The following HIPK1 variants were observed in gnomAD, a reference collection of about 807,000 sequenced individuals.
HIPK1 encodes homeodomain-interacting protein kinase 1.
In HIPK1, 28 loss-of-function variants were observed where a neutral mutation model predicts 117.1. The ratio of observed to expected loss-of-function variants is 0.24; its 90% CI spans 0.18 to 0.33. The LOEUF (loss-of-function observed/expected upper bound fraction) is 0.33, where lower values mean the gene tolerates loss of function less well. Among genes scored for constraint, HIPK1 ranks in the 10% least tolerant of loss-of-function variants. The probability of loss-of-function intolerance (pLI) is 1.00; values close to 1 mark genes in which losing one functional copy is unlikely to be tolerated. For synonymous variants in HIPK1, 605 were observed against 562.5 expected (o/e 1.08, Z -1.07); for missense variants, 1,122 against 1,475.1 (o/e 0.76, Z 3.92).
In HIPK1 at chr1:113,963,428, A is replaced by G; in HGVS notation, c.2145A>G (p.Gln715=). Residue 715 remains glutamine, a synonymous_variant, in exon 10 of 16, where the codon CAA becomes CAG. Transcript: ENST00000426820. ...TAATGGTAGCAACTCTCCACCCTCA[A>G]GTAGCCACCATCACACCGCAGTATG... ...TPLMVATLHP[Q]VATITPQYAV... is the part of the protein sequence containing the mutation. The G allele has an allele frequency of 6.2e-7, 1 of 1,614,212 alleles. No homozygotes were observed. Among genetic ancestry groups the G allele is most frequent in the Non-Finnish European group, 8.5e-7 (1 of 1,180,022 alleles).
At chr1:113,958,016 G>A (rs370152488) in intron 7 of HIPK1, 50 bp from the exon 8 acceptor site, 6 of 1,271,340 alleles carry the variant, frequency 4.7e-6, no homozygotes, top group East Asian at 4.6e-5. Context: ...TAAAATTATT[G>A]TGTGTCTCTA....
At chr1:113,930,075 C>G (rs1433062536) in intron 1 of HIPK1, 1 of 952,388 alleles carries the variant, frequency 1.0e-6, no homozygotes, top group East Asian at 1.2e-4. Context: ...GGGCCCCTGC[C>G]TGGGACCGGG....
chr1:113,973,808 G>T lies in HIPK1; in HGVS notation c.*296G>T. The T allele has an allele frequency of 3.9e-6, 1 of 254,280 alleles. No homozygotes were observed. 15.8% of individuals were successfully genotyped at this position (254,280 alleles called of 1,614,324 possible). On this transcript the variant is annotated 3_prime_UTR_variant, in exon 16 of 16. Coordinates refer to ENST00000426820, the MANE Select transcript of HIPK1 (RefSeq NM_198268.3). ...TCTTCTGCAGTTACCAAGGAAGAGAGATTGTTCTGAAGTTACCCTCTGAAA... is the reference window on the plus strand; with the variant it reads ...TCTTCTGCAGTTACCAAGGAAGAGATATTGTTCTGAAGTTACCCTCTGAAA...
chr1:113,958,263 A>G lies in HIPK1; in HGVS notation c.1953A>G (p.Thr651=), dbSNP rs892709834. 6.2e-7 allele frequency: 1 copy of G among 1,614,054 alleles called. No individual in the cohort carries two copies. Among genetic ancestry groups the G allele is most frequent in the Non-Finnish European group, 8.5e-7 (1 of 1,179,938 alleles). The stretch of plus-strand genomic sequence containing the variant: ...CTCAGACAGATCCATTCCAACAGAC[A>G]TTTATAGTATGTCCACCTGCGTTTC... ...ICTQTDPFQQ[T]FIVCPPAFQT... is the part of the protein sequence containing the mutation. Residue 651 remains threonine (T), a synonymous_variant, in exon 8 of 16, where the codon ACA becomes ACG. Coordinates refer to ENST00000426820, the MANE Select transcript of HIPK1 (RefSeq NM_198268.3).
chr1:113,933,738 G>A (rs1379921564), intron 1 of HIPK1, among the ~76,000 whole-genome samples: 2 of 152,104 alleles, frequency 1.3e-5, no homozygotes, highest in Non-Finnish European at 2.9e-5. Context: ...GTGGTGGCAT[G>A]TACTGGTAGT....
At chr1:113,929,688 CGAGGCGGGAGCGCGCGGGGCT>C (rs1669707023) in intron 1 of HIPK1, 156 bp downstream of exon 1, 7 of 860,420 alleles carry the variant, frequency 8.1e-6, no homozygotes, top group Non-Finnish European at 1.0e-5. Flanking sequence ...AGCAGGAGGC[CGAGGCGGGAGCGCGCGGGGCT>C]GAGGCGGCGG....
chr1:113,948,811 C>T (rs1380018567), intron 2 of HIPK1, among the ~76,000 whole-genome samples: 4 of 151,696 alleles, frequency 2.6e-5, no homozygotes, highest in South Asian at 4.2e-4. Flanking sequence ...ACTTTAAGCT[C>T]GAGACAGTTA....
chr1:113,940,414 C>G lies in HIPK1; in HGVS notation c.31C>G (p.Pro11Ala), dbSNP rs374754285. ...ATCACAGCTGCAAGTGTTTTCGCCC[C>G]CATCAGTGTCGTCGAGTGCCTTCTG... MASQLQVFSP[P>A]SVSSSAFCSA... Residue 11 changes from proline (P) to alanine (A), a missense_variant, in exon 2 of 16, where the codon CCA becomes GCA. Pro to Ala is a conservative substitution (Grantham distance 27, BLOSUM62 -1). Coordinates refer to ENST00000426820, the MANE Select transcript of HIPK1 (RefSeq NM_198268.3). 3.0e-5 allele frequency: 48 copies of G among 1,610,208 alleles called. No individual in the cohort carries two copies. The highest frequency in any genetic ancestry group is 2.5e-4 in the African/African-American group (19 of 74,708).
At chr1:113,960,559 CCTA>C (rs922274889) in intron 8 of HIPK1, among the ~76,000 whole-genome samples, 1 of 152,186 alleles carries the variant, frequency 6.6e-6, no homozygotes. Flanking sequence ...AACATTTCCT[CCTA>C]AATTTTACCA....
At chr1:113,929,585 C>G (rs1669691328) in intron 1 of HIPK1, 53 bp downstream of exon 1, 3 of 1,243,012 alleles carry the variant, frequency 2.4e-6, no homozygotes, top group Non-Finnish European at 3.2e-6. Context: ...CGGGGCCGGC[C>G]GGGTTGAGGG....
chr1:113,942,948 A>G (rs1670748650), intron 2 of HIPK1, among the ~76,000 whole-genome samples: 1 of 152,228 alleles, frequency 6.6e-6, no homozygotes, highest in African/African-American at 2.4e-5. Flanking sequence ...TACATGCCAG[A>G]TGCCTGTAAT....
chr1:113,959,478 T>A (rs1189103246), intron 8 of HIPK1, among the ~76,000 whole-genome samples: 1 of 152,224 alleles, frequency 6.6e-6, no homozygotes, highest in Non-Finnish European at 1.5e-5. Context: ...TGTCGTATGT[T>A]GAGTGATTCT....
intron 1 of HIPK1, among the ~76,000 whole-genome samples, chr1:113,931,395 G>A (rs1669888611): frequency 6.6e-6 from 1 of 152,036 alleles, no homozygotes; most frequent in Non-Finnish European, 1.5e-5. Context: ...TACTGTTCCT[G>A]GCTTGAAAGA....
chr1:113,977,775 A>G lies in HIPK1; in HGVS notation c.*4263A>G, dbSNP rs1036474128. The G allele has an allele frequency of 6.5e-6, 1 of 152,802 alleles. No homozygotes were observed. The highest frequency in any genetic ancestry group is 2.4e-5 in the African/African-American group (1 of 41,466). The allele number at this position is 152,802 out of a possible 1,614,324, so 9.5% of individuals were successfully genotyped here. A position where few individuals can be genotyped will look rare whatever the true frequency, so the allele number is the denominator to read the frequency against. On this transcript the variant is annotated 3_prime_UTR_variant, in exon 16 of 16. Transcript: ENST00000426820. Reference sequence around the variant, plus strand: ...GTAAAATGTAGAGCAATTGCAATGCATCAATAAAATGGGTAAATTTTCTGA... The same window carrying G: ...GTAAAATGTAGAGCAATTGCAATGCGTCAATAAAATGGGTAAATTTTCTGA...
intron 1 of HIPK1, among the ~76,000 whole-genome samples, chr1:113,937,962 G>A (rs1480705762): frequency 6.6e-6 from 1 of 151,798 alleles, no homozygotes; most frequent in African/African-American, 2.4e-5. Context: ...TTTAAGGCAG[G>A]TTGAGACAGG....
chr1:113,944,755 G>A (rs934439624), intron 2 of HIPK1, among the ~76,000 whole-genome samples: 7 of 151,370 alleles, frequency 4.6e-5, no homozygotes, highest in Non-Finnish European at 7.4e-5. Context: ...CACCGGGCCC[G>A]GTCAATAATA....
chr1:113,942,134 C>T (rs1029830283), intron 2 of HIPK1, among the ~76,000 whole-genome samples: 5 of 151,670 alleles, frequency 3.3e-5, no homozygotes, highest in Non-Finnish European at 7.4e-5. Context: ...CATTGACTCA[C>T]GGCAGCCTCC....
At chr1:113,968,252 G>C (rs1384131860) in intron 12 of HIPK1, among the ~76,000 whole-genome samples, 190 bp from the exon 13 acceptor site, 1 of 152,148 alleles carries the variant, frequency 6.6e-6, no homozygotes, top group Non-Finnish European at 1.5e-5. Flanking sequence ...TTGTATTTTG[G>C]TGTTCTTGTC....
chr1:113,962,707 G>A (rs538474557), intron 9 of HIPK1, among the ~76,000 whole-genome samples: 1 of 152,244 alleles, frequency 6.6e-6, no homozygotes, highest in Admixed American at 6.5e-5. Context: ...ATTTTGCGGG[G>A]TGAAGCGTTT....
Sources: allele counts gnomAD v4.1 joint callset (sites outside exome capture counted in the v4.1 genomes callset), GRCh38; gene constraint gnomAD v4.1.1; transcripts MANE v1.5; gene names NCBI Gene and HGNC (gene_info 2026-07-23, HGNC 2026-07-21).